Variants in KY observed in about 807,000 individuals in gnomAD.
The protein encoded by KY is kyphoscoliosis peptidase.
KY carries 43 observed loss-of-function variants against 76.1 expected under a neutral mutation model. The ratio of observed to expected loss-of-function variants is 0.57; its 90% confidence interval spans 0.44 to 0.73. The LOEUF (loss-of-function observed/expected upper bound fraction) is 0.73, where lower values mean the gene tolerates loss of function less well. Ranked by LOEUF, KY falls within the 30% of genes least tolerant of loss-of-function variation. The pLI, the probability that KY is intolerant of heterozygous loss-of-function variation, is 0.00. For synonymous variants in KY, 277 were observed against 326.2 expected (o/e 0.85, Z 1.63); for missense variants, 722 against 828.9 (o/e 0.87, Z 1.58).
At chr3:134,640,367 G>T (rs1334565422) in intron 3 of KY, among the ~76,000 whole-genome samples, 1 of 152,130 alleles carries the variant, frequency 6.6e-6, no homozygotes, top group Non-Finnish European at 1.5e-5. Context: ...TGCGACTTCA[G>T]GCAAGTTATT....
rs146592541 is a variant in KY at position 134,631,877 on chromosome 3, G to A, written c.263-2182C>T. 1.8e-3 allele frequency among the ~76,000 whole-genome samples: 272 copies of A among 152,106 alleles called. 1 individual carries two copies. The highest frequency in any genetic ancestry group is 6.3e-3 in the African/African-American group (263 of 41,554). On this transcript the variant is annotated intron_variant, in intron 3 of 10. Coordinates refer to ENST00000423778, the MANE Select transcript of KY (RefSeq NM_178554.6). ...TGTAAATGGTCTAAACACACTAATT[G>A]AAAAATAGAGATTTTCAGAAAGGGT...
At chr3:134,640,225 T>TG (rs372112059) in intron 3 of KY, among the ~76,000 whole-genome samples, 2 of 131,600 alleles carry the variant, frequency 1.5e-5, no homozygotes, top group African/African-American at 2.8e-5. Context: ...GGGGGTTGGG[T>TG]GGGGGGTACT....
chr3:134,619,329 A>G, intron 7 of KY, 64 bp from the exon 8 acceptor site: 1 of 1,242,302 alleles, frequency 8.0e-7, no homozygotes, highest in Non-Finnish European at 1.2e-6. Flanking sequence ...CTCCACCCCA[A>G]CCCCCAGCTG....
chr3:134,621,100 G>A (rs1203144921), intron 6 of KY, among the ~76,000 whole-genome samples: 2 of 152,206 alleles, frequency 1.3e-5, no homozygotes, highest in African/African-American at 2.4e-5. Flanking sequence ...CTGCAGATCT[G>A]GGGGCTAGCC....
At chr3:134,628,537 T>G (rs972122883) in intron 4 of KY, among the ~76,000 whole-genome samples, 16 of 152,188 alleles carry the variant, frequency 1.1e-4, no homozygotes, top group Admixed American at 1.0e-3. Context: ...CAACCACACA[T>G]GGGTTATTCT....
chr3:134,622,633 T>G (rs573723557), intron 6 of KY, among the ~76,000 whole-genome samples: 1 of 152,184 alleles, frequency 6.6e-6, no homozygotes, highest in Non-Finnish European at 1.5e-5. Flanking sequence ...GTGAATATAA[T>G]TAATGCTAGT....
rs570089822 is a variant in KY at position 134,611,563 on chromosome 3, A to G, written c.711-1180T>C. 1.2e-4 allele frequency among the ~76,000 whole-genome samples: 18 copies of G among 152,360 alleles called. No homozygotes were observed. The South Asian group carries it at 3.7e-3, about 32-fold the overall frequency. Reference sequence around the variant, plus strand: ...TCCTCAAGACATTTTCCTTGCACTCATGGAAAATTGGTGTAATAGATACAC... The same window carrying G: ...TCCTCAAGACATTTTCCTTGCACTCGTGGAAAATTGGTGTAATAGATACAC... On this transcript the variant is annotated intron_variant, in intron 8 of 10. Transcript: ENST00000423778.
chr3:134,612,317 C>T (rs1475931639), intron 8 of KY, among the ~76,000 whole-genome samples: 3 of 152,176 alleles, frequency 2.0e-5, no homozygotes, highest in African/African-American at 7.2e-5. Context: ...CTGGCAAAGG[C>T]CATAAGCCAC....
At chr3:134,619,566 C>T (rs1962218024) in intron 7 of KY, among the ~76,000 whole-genome samples, 1 of 152,252 alleles carries the variant, frequency 6.6e-6, no homozygotes, top group African/African-American at 2.4e-5. Flanking sequence ...ATCCCCACCA[C>T]ACAGCTCTGC....
chr3:134,636,716 C>G (rs1193964711), intron 3 of KY, among the ~76,000 whole-genome samples: 1 of 152,212 alleles, frequency 6.6e-6, no homozygotes, highest in Non-Finnish European at 1.5e-5. Flanking sequence ...TCTAAAGCTG[C>G]TAAGTTGTGT....
chr3:134,623,164 C>T (rs1962921791), intron 6 of KY, among the ~76,000 whole-genome samples: 1 of 152,234 alleles, frequency 6.6e-6, no homozygotes, highest in African/African-American at 2.4e-5. Flanking sequence ...GTCCCCACCT[C>T]CTGGCCCCAC....
chr3:134,608,961 C>A, intron 9 of KY, 122 bp from the exon 10 acceptor site: 1 of 1,134,048 alleles, frequency 8.8e-7, no homozygotes, highest in Non-Finnish European at 1.2e-6. Flanking sequence ...CCGACCCTAA[C>A]ATGGGCACTG....
intron 2 of KY, among the ~76,000 whole-genome samples, chr3:134,645,602 C>T (rs1000434378): frequency 2.6e-5 from 4 of 152,216 alleles, no homozygotes; most frequent in Non-Finnish European, 4.4e-5. Context: ...TGCATGCAAA[C>T]GTACCATTTG....
intron 7 of KY, among the ~76,000 whole-genome samples, chr3:134,620,484 G>A (rs1014942115): frequency 2.8e-4 from 42 of 152,212 alleles, no homozygotes; most frequent in Admixed American, 7.2e-4. Flanking sequence ...GAAGGCTGCT[G>A]CTGGATGAAG....
At chr3:134,609,778 A>G (rs563469664) in intron 9 of KY, among the ~76,000 whole-genome samples, 1 of 152,248 alleles carries the variant, frequency 6.6e-6, no homozygotes, top group South Asian at 2.1e-4. Flanking sequence ...CTGAGAGGAG[A>G]AGGAGCCTGG....
chr3:134,620,003 G>A (rs1962317866), intron 7 of KY: 1 of 152,284 alleles, frequency 6.6e-6, no homozygotes, highest in Non-Finnish European at 1.5e-5. Context: ...TGTTCCAGAA[G>A]AATAAAAGAA....
chr3:134,620,942 G>T, intron 6 of KY, 85 bp from the exon 7 acceptor site: 5 of 796,676 alleles, frequency 6.3e-6, no homozygotes, highest in Non-Finnish European at 1.1e-5. Context: ...AGCCAGTGCT[G>T]CTCTTCCTCC....
intron 6 of KY, among the ~76,000 whole-genome samples, chr3:134,622,563 A>C (rs1962817856): frequency 6.6e-6 from 1 of 152,210 alleles, no homozygotes; most frequent in South Asian, 2.1e-4. Context: ...GGGAGGAGAA[A>C]TGGGAATTTC....
Position 134,647,586 on chromosome 3 carries a change from A to G in KY, c.137-89T>C, listed in dbSNP as rs113520527. On this transcript the variant is annotated intron_variant, in intron 1 of 10. Coordinates refer to ENST00000423778, the MANE Select transcript of KY (RefSeq NM_178554.6). ...AGACTTATCTAGGTTATGGTAGAGCAGGTGGATCTTGGCTCTCTTGGAATC... is the reference window on the plus strand; with the variant it reads ...AGACTTATCTAGGTTATGGTAGAGCGGGTGGATCTTGGCTCTCTTGGAATC... 6,878 of 744,566 alleles carry G rather than the reference A, an allele frequency of 9.2e-3. 60 individuals are homozygous for G. The highest frequency in any genetic ancestry group is 0.01 in the Non-Finnish European group (4,438 of 439,832). 46.1% of individuals were successfully genotyped at this position (744,566 alleles called of 1,614,324 possible). A position where few individuals can be genotyped will look rare whatever the true frequency, so the allele number is the denominator to read the frequency against.
Sources: gnomAD v4.1 joint callset for allele counts (sites outside exome capture counted in the v4.1 genomes callset) on GRCh38, gnomAD v4.1.1 for gene constraint, MANE v1.5 for transcripts, NCBI Gene and HGNC (gene_info 2026-07-23, HGNC 2026-07-21) for gene names.